Variants in NRXN1 observed in about 807,000 individuals in gnomAD.
NRXN1 encodes neurexin-1.
In NRXN1, 39 loss-of-function variants were observed where a neutral mutation model predicts 150.9. That is an observed-to-expected ratio of 0.26 (90% CI 0.20 to 0.34). The LOEUF (loss-of-function observed/expected upper bound fraction) is 0.34, where lower values mean the gene tolerates loss of function less well. Ranked by LOEUF, NRXN1 falls within the 10% of genes least tolerant of loss-of-function variation. NRXN1 has a pLI of 1.00. For missense variants in NRXN1, 1,815 were observed against 1,949.9 expected, an observed-to-expected ratio of 0.93 and a Z score of 1.30; for synonymous variants, 924 against 757.0, an observed-to-expected ratio of 1.22 and a Z score of -3.62.
At chr2:50,701,559 C>CT (rs1415664148) in intron 5 of NRXN1, among the ~76,000 whole-genome samples, 1 of 152,176 alleles carries the variant, frequency 6.6e-6, no homozygotes, top group East Asian at 1.9e-4. Context: ...CTTATTACCT[C>CT]TGTTAGCACA....
chr2:50,474,085 T>C (rs1033738469), intron 15 of NRXN1, among the ~76,000 whole-genome samples: 1 of 151,984 alleles, frequency 6.6e-6, no homozygotes, highest in Non-Finnish European at 1.5e-5. Context: ...TTAACCATCA[T>C]TCTTAATATT....
At chr2:50,222,891 T>C (rs1186419175) in intron 18 of NRXN1, among the ~76,000 whole-genome samples, 1 of 151,946 alleles carries the variant, frequency 6.6e-6, no homozygotes, top group Admixed American at 6.6e-5. Context: ...ATTAGAGTTT[T>C]AGACACCACA....
At chr2:50,625,760 G>A (rs1680905104) in intron 5 of NRXN1, among the ~76,000 whole-genome samples, 1 of 152,050 alleles carries the variant, frequency 6.6e-6, no homozygotes, top group South Asian at 2.1e-4. Context: ...TCTGAAAATG[G>A]TTAGAGATAC....
chr2:50,549,113 T>C (rs981164530), intron 9 of NRXN1, among the ~76,000 whole-genome samples: 2 of 152,120 alleles, frequency 1.3e-5, no homozygotes, highest in African/African-American at 2.4e-5. Flanking sequence ...GTAAAATAAA[T>C]TATTTCATGA....
intron 18 of NRXN1, among the ~76,000 whole-genome samples, chr2:50,208,531 C>G (rs141869167): frequency 1.3e-5 from 2 of 152,188 alleles, no homozygotes; most frequent in African/African-American, 2.4e-5. Context: ...ATGACATTCA[C>G]TAAAATGCTA....
chr2:50,551,050 G>GAA (rs1553775723), intron 9 of NRXN1, among the ~76,000 whole-genome samples: 3,094 of 77,634 alleles, frequency 0.04, 58 homozygotes, highest in Middle Eastern at 0.06. Flanking sequence ...AAGAGGAAGA[G>GAA]GAAGAAGAAG....
rs895708525 is a variant in NRXN1, at chr2:49,953,907, G to A, written c.4129-10116C>T. Among the ~76,000 whole-genome samples the A allele has an allele frequency of 5.3e-5, 8 of 151,970 alleles. No individual in the cohort carries two copies. The South Asian group carries it at 1.0e-3, about 20-fold the overall frequency. On this transcript the variant is annotated intron_variant, in intron 21 of 22. Transcript: ENST00000401669. ...GCCTTAGGACAAATACCTACTTCACGCGGGGTTTAAAACCTAGATGACAGG... is the reference window on the plus strand; with the variant it reads ...GCCTTAGGACAAATACCTACTTCACACGGGGTTTAAAACCTAGATGACAGG...
intron 17 of NRXN1, among the ~76,000 whole-genome samples, chr2:50,246,303 A>G (rs1410169938): frequency 6.6e-6 from 1 of 151,946 alleles, no homozygotes; most frequent in Admixed American, 6.6e-5. Context: ...AGGCTTTATG[A>G]CTTTTTGGCA....
chr2:50,599,025 G>T (rs1404654420), intron 8 of NRXN1, among the ~76,000 whole-genome samples: 1 of 152,016 alleles, frequency 6.6e-6, no homozygotes, highest in Admixed American at 6.6e-5. Flanking sequence ...ACTCGCCTCA[G>T]CCTCCCAAAG....
chr2:50,525,595 G>C (rs754642653), intron 12 of NRXN1, among the ~76,000 whole-genome samples: 3 of 152,180 alleles, frequency 2.0e-5, no homozygotes, highest in Non-Finnish European at 4.4e-5. Context: ...ATAAGCTAAT[G>C]AGCATCAATA....
At position 49,943,906 on chromosome 2, in the gene NRXN1, T is replaced by C. The variant is rs538666454; in HGVS notation, c.4129-115A>G. Reference sequence around the variant, plus strand: ...TTTATCAAGAAACCAAATTCACTATTTCCCTTTCTAAAGACACAGAGCTTA... The same window carrying C: ...TTTATCAAGAAACCAAATTCACTATCTCCCTTTCTAAAGACACAGAGCTTA... On this transcript the variant is annotated intron_variant, in intron 21 of 22. Coordinates refer to ENST00000401669, the MANE Select transcript of NRXN1 (RefSeq NM_001330078.2). 74 of 786,616 alleles carry C rather than the reference T, an allele frequency of 9.4e-5. No individual in the cohort carries two copies. In the African/African-American group the frequency reaches 1.2e-3, roughly 13 times the overall value. 48.7% of individuals were successfully genotyped at this position (786,616 alleles called of 1,614,324 possible). A position where few individuals can be genotyped will look rare whatever the true frequency, so the allele number is the denominator to read the frequency against.
rs544224245 is a variant in NRXN1, at chr2:49,932,610, T to A, written c.4217-10359A>T. Among the ~76,000 whole-genome samples, 31 of 152,276 alleles carry A rather than the reference T, an allele frequency of 2.0e-4. 1 individual carries two copies. The South Asian group carries it at 6.4e-3, about 32-fold the overall frequency. ...TTGGGGGTAAACTTACTTAACTAAG[T>A]AATCAAAACCCTCATCAAAACCTTC... On this transcript the variant is annotated intron_variant, in intron 22 of 22. Coordinates refer to ENST00000401669, the MANE Select transcript of NRXN1 (RefSeq NM_001330078.2).
chr2:50,089,332 T>A lies in NRXN1; in HGVS notation c.3718+1991A>T, dbSNP rs189387880. ...GGTCCACTGTTCACAGCTGACAACA[T>A]CCCATGAGCAAAGCCTAGACCTTAC... On this transcript the variant is annotated intron_variant, in intron 19 of 22. Transcript: ENST00000401669. Among the ~76,000 whole-genome samples, 5 of 152,308 alleles carry A rather than the reference T, an allele frequency of 3.3e-5. No individual in the cohort carries two copies. In the East Asian group the frequency reaches 9.6e-4, roughly 29 times the overall value.
At chr2:50,169,054 T>G (rs2059857332) in intron 18 of NRXN1, among the ~76,000 whole-genome samples, 1 of 152,328 alleles carries the variant, frequency 6.6e-6, no homozygotes, top group Non-Finnish European at 1.5e-5. Context: ...CACTGTAACA[T>G]AATAATAGCT....
intron 3 of NRXN1, 137 bp from the exon 4 acceptor site, chr2:50,922,824 A>C: frequency 1.1e-6 from 1 of 918,634 alleles, no homozygotes; most frequent in Non-Finnish European, 1.8e-6. Flanking sequence ...GCAAATCAAA[A>C]AGCATTCTTT....
In NRXN1 at chr2:50,271,815, T is replaced by A. The variant is rs1354364524; in HGVS notation, c.3365-34845A>T. ...ATAATGGTACTTTCCTTTTCCTTCA[T>A]AAACAAAATTTTTTAAAAAGACAAG... On this transcript the variant is annotated intron_variant, in intron 17 of 22. Transcript: ENST00000401669. Among the ~76,000 whole-genome samples, 7 of 152,188 alleles carry A rather than the reference T, an allele frequency of 4.6e-5. No individual in the cohort carries two copies. In the South Asian group the frequency reaches 1.2e-3, roughly 27 times the overall value.
At chr2:50,226,854 C>T (rs142941568) in intron 18 of NRXN1, among the ~76,000 whole-genome samples, 4 of 151,872 alleles carry the variant, frequency 2.6e-5, no homozygotes, top group Non-Finnish European at 4.4e-5. Flanking sequence ...TGAGCAGCAC[C>T]GACCTATTGC....
intron 5 of NRXN1, among the ~76,000 whole-genome samples, chr2:50,902,548 T>G (rs952754084): frequency 6.6e-6 from 1 of 152,200 alleles, no homozygotes; most frequent in African/African-American, 2.4e-5. Flanking sequence ...TAATTCAATT[T>G]GTGAGACAGC....
intron 19 of NRXN1, among the ~76,000 whole-genome samples, chr2:50,060,878 A>G (rs1024498698): frequency 2.0e-5 from 3 of 152,090 alleles, no homozygotes; most frequent in African/African-American, 4.8e-5. Context: ...TTCTTTATAA[A>G]TCACCCAGTC....
Sources: allele counts gnomAD v4.1 joint callset (sites outside exome capture counted in the v4.1 genomes callset), GRCh38; gene constraint gnomAD v4.1.1; transcripts MANE v1.5; gene names NCBI Gene and HGNC (gene_info 2026-07-23, HGNC 2026-07-21).